The following UEVLD variants were observed in gnomAD, a reference collection of about 807,000 sequenced individuals.
UEVLD encodes UEV and lactate/malate dehyrogenase domains.
UEVLD carries 47 observed loss-of-function variants against 58.6 expected under a neutral mutation model. That is an observed-to-expected ratio of 0.80 (90% CI 0.63 to 1.02). The LOEUF is 1.02. Among genes scored for constraint, UEVLD ranks in the 50% least tolerant of loss-of-function variants. The pLI, the probability that UEVLD is intolerant of heterozygous loss-of-function variation, is 0.00. For missense variants in UEVLD, 510 were observed against 550.6 expected, an observed-to-expected ratio of 0.93 and a Z score of 0.74; for synonymous variants, 197 against 195.3, an observed-to-expected ratio of 1.01 and a Z score of -0.07.
chr11:18,585,129 G>C (rs1853475402), intron 1 of UEVLD, among the ~76,000 whole-genome samples: 1 of 152,116 alleles, frequency 6.6e-6, no homozygotes, highest in South Asian at 2.1e-4. Context: ...GGACTCAACA[G>C]ATCTGCCTGT....
chr11:18,540,623 G>A (rs377245451), intron 9 of UEVLD, among the ~76,000 whole-genome samples: 2 of 152,140 alleles, frequency 1.3e-5, no homozygotes, highest in Non-Finnish European at 1.5e-5. Flanking sequence ...GGATTCATAC[G>A]TGCTCAGTTA....
chr11:18,584,469 A>G (rs1853433774), intron 1 of UEVLD, among the ~76,000 whole-genome samples: 1 of 151,850 alleles, frequency 6.6e-6, no homozygotes, highest in South Asian at 2.1e-4. Context: ...GAACTGTCTG[A>G]CAAAGCTTTC....
intron 4 of UEVLD, chr11:18,569,927 C>G (rs1852506071): frequency 9.6e-6 from 2 of 208,968 alleles, no homozygotes; most frequent in Non-Finnish European, 1.9e-5. Flanking sequence ...CAATCACTTG[C>G]TAGTAGCTCC....
chr11:18,574,798 A>C (rs1852814777), intron 3 of UEVLD, among the ~76,000 whole-genome samples: 2 of 152,194 alleles, frequency 1.3e-5, no homozygotes, highest in African/African-American at 4.8e-5. Context: ...TCTTAGGTAA[A>C]TCAGACCAGG....
intron 9 of UEVLD, among the ~76,000 whole-genome samples, chr11:18,537,657 A>T (rs1429367139): frequency 2.0e-5 from 3 of 150,142 alleles, no homozygotes; most frequent in East Asian, 2.0e-4. Context: ...TCACACTTTA[A>T]TATTATTATT....
intron 1 of UEVLD, among the ~76,000 whole-genome samples, chr11:18,582,181 A>G (rs1289932726): frequency 6.6e-6 from 1 of 152,212 alleles, no homozygotes; most frequent in African/African-American, 2.4e-5. Flanking sequence ...GGAGAACATG[A>G]TTATTAATAG....
At position 18,544,721 on chromosome 11, in the gene UEVLD, A is replaced by G; in HGVS notation, c.962T>C (p.Leu321Pro). ...ANRVIGIGCN[L>P]DSQRLQYIIT... ...AATATACTGTAATCTCTGTGAATCC[A>G]GATTACATCCAATTCCGATCACTCG... Residue 321 changes from leucine (L) to proline (P), a missense_variant, in exon 9 of 12, where the codon CTG becomes CCG. By Grantham distance (98) the Leu-to-Pro change is moderately conservative. Transcript: ENST00000396197. 1.9e-6 allele frequency: 3 copies of G among 1,582,584 alleles called. No homozygotes were observed. The highest frequency in any genetic ancestry group is 2.6e-6 in the Non-Finnish European group (3 of 1,169,540).
At position 18,588,259 on chromosome 11, in the gene UEVLD, G is replaced by A. The variant is rs537000150; in HGVS notation, c.42+354C>T. On this transcript the variant is annotated intron_variant, in intron 1 of 11. Transcript: ENST00000396197. ...GACTGAGTTGGGTCTTACAAAGGAT[G>A]AGCTTTGCAATTCAAGAAAAAAGAA... 4.6e-5 allele frequency among the ~76,000 whole-genome samples: 7 copies of A among 152,234 alleles called. No individual in the cohort carries two copies. In the East Asian group the frequency reaches 1.2e-3, roughly 25 times the overall value.
Position 18,570,355 on chromosome 11 carries a change from A to G in UEVLD, c.216T>C (p.Ile72=), listed in dbSNP as rs373728503. The change falls in exon 4 of 12, where the codon ATT becomes ATC. Residue 72 remains isoleucine, a synonymous_variant. Coordinates refer to ENST00000396197, the MANE Select transcript of UEVLD (RefSeq NM_001040697.4). ...MYQGNTYNIP[I]RFWILDSHPF... ...GGTGAGAATCCAAAATCCAGAAACG[A>G]ATTGGTATGTTATATGTATTACCTA... is the stretch of plus-strand genomic sequence containing the variant. The G allele has an allele frequency of 6.4e-7, 1 of 1,569,410 alleles. No homozygotes were observed. Among genetic ancestry groups the G allele is most frequent in the South Asian group, 1.2e-5 (1 of 83,194 alleles).
At chr11:18,547,174 A>G (rs373786693) in intron 7 of UEVLD, 124 bp from the exon 8 acceptor site, 17 of 918,634 alleles carry the variant, frequency 1.9e-5, no homozygotes, top group East Asian at 1.1e-4. Context: ...CCCATAAATC[A>G]ACCCCAGATC....
At chr11:18,554,240 C>T (rs1441846301) in intron 7 of UEVLD, among the ~76,000 whole-genome samples, 2 of 151,950 alleles carry the variant, frequency 1.3e-5, no homozygotes, top group East Asian at 1.9e-4. Flanking sequence ...TATAGGCATG[C>T]ACCACCACAT....
rs529771668 is a variant in UEVLD, at chr11:18,576,685, C to T, written c.128-1273G>A. ...GCCCTACACTTGATGGATCAGCTGG[C>T]ACCACCCAGATTGATAAACTGGCTC... On this transcript the variant is annotated intron_variant, in intron 2 of 11. Transcript: ENST00000396197. Among the ~76,000 whole-genome samples the T allele has an allele frequency of 6.6e-5, 10 of 152,270 alleles. No homozygotes were observed. The East Asian group carries it at 1.9e-3, about 29-fold the overall frequency.
intron 4 of UEVLD, 135 bp from the exon 5 acceptor site, chr11:18,566,617 C>G: frequency 1.2e-6 from 1 of 864,282 alleles, no homozygotes; most frequent in African/African-American, 1.7e-5. Context: ...TATACTCCAG[C>G]TTGGGCAACA....
At chr11:18,579,430 C>A (rs1853116566) in intron 1 of UEVLD, 6 of 985,344 alleles carry the variant, frequency 6.1e-6, no homozygotes, top group Non-Finnish European at 7.2e-6. Context: ...CCAAATACCT[C>A]CAGACAGCTT....
intron 7 of UEVLD, among the ~76,000 whole-genome samples, chr11:18,552,507 A>G (rs1057374354): frequency 6.6e-6 from 1 of 152,160 alleles, no homozygotes; most frequent in African/African-American, 2.4e-5. Context: ...AGATGGCACC[A>G]CTGCACTCTA....
chr11:18,580,188 G>C (rs1038235628), intron 1 of UEVLD, among the ~76,000 whole-genome samples: 3 of 151,936 alleles, frequency 2.0e-5, no homozygotes, highest in Non-Finnish European at 4.4e-5. Flanking sequence ...ATCATCAAAA[G>C]GAGAAAATAA....
chr11:18,563,588 C>G, intron 6 of UEVLD: 2 of 807,888 alleles, frequency 2.5e-6, no homozygotes, highest in Non-Finnish European at 3.0e-6. Context: ...ATGACCCTGT[C>G]TAAATAAAAT....
intron 5 of UEVLD, among the ~76,000 whole-genome samples, chr11:18,565,494 A>T (rs1852250934): frequency 6.6e-6 from 1 of 152,238 alleles, no homozygotes; most frequent in Non-Finnish European, 1.5e-5. Flanking sequence ...AGTGGTTTTG[A>T]ACAAGAATTG....
chr11:18,532,234 C>A lies in UEVLD; in HGVS notation c.*86G>T. On this transcript the variant is annotated 3_prime_UTR_variant, in exon 12 of 12. Coordinates refer to ENST00000396197, the MANE Select transcript of UEVLD (RefSeq NM_001040697.4). ...GTTTGTAAAAGTAAGTAGCAGGATACAGAAATCCTCAAACCTATATATAGG... is the reference window on the plus strand; with the variant it reads ...GTTTGTAAAAGTAAGTAGCAGGATAAAGAAATCCTCAAACCTATATATAGG... 4 of 1,285,630 alleles carry A rather than the reference C, an allele frequency of 3.1e-6. No individual in the cohort carries two copies. The African/African-American group carries it at 4.6e-5, about 15-fold the overall frequency. 79.6% of individuals were successfully genotyped at this position (1,285,630 alleles called of 1,614,324 possible). A position where few individuals can be genotyped will look rare whatever the true frequency, so the allele number is the denominator to read the frequency against.
Sources: allele counts gnomAD v4.1 joint callset (sites outside exome capture counted in the v4.1 genomes callset), GRCh38; gene constraint gnomAD v4.1.1; transcripts MANE v1.5; gene names NCBI Gene and HGNC (gene_info 2026-07-23, HGNC 2026-07-21).